Variants in ZBTB16 observed in about 807,000 individuals in gnomAD.
ZBTB16 encodes zinc finger and BTB domain containing 16.
Under a neutral mutation model 56.8 loss-of-function variants are expected in ZBTB16, and 8 were observed. The observed-to-expected ratio is 0.14, with a 90% CI of 0.08 to 0.25. The LOEUF is 0.25. Ranked by LOEUF, ZBTB16 falls within the 10% of genes least tolerant of loss-of-function variation. ZBTB16 has a pLI of 1.00. For synonymous variants in ZBTB16, 363 were observed against 368.5 expected, an observed-to-expected ratio of 0.98 and a Z score of 0.17; for missense variants, 625 against 903.0, an observed-to-expected ratio of 0.69 and a Z score of 3.95.
At chr11:114,131,589 C>T (rs541039815) in intron 2 of ZBTB16, among the ~76,000 whole-genome samples, 1 of 152,240 alleles carries the variant, frequency 6.6e-6, no homozygotes, top group South Asian at 2.1e-4. Flanking sequence ...TTATTTAGGG[C>T]CATTAAAAAC....
At chr11:114,186,158 G>A (rs967619163) in intron 3 of ZBTB16, among the ~76,000 whole-genome samples, 1 of 152,132 alleles carries the variant, frequency 6.6e-6, no homozygotes, top group African/African-American at 2.4e-5. Context: ...CCCGGGTATT[G>A]AAGTTGATGT....
chr11:114,125,911 C>T (rs1050812693), intron 2 of ZBTB16, among the ~76,000 whole-genome samples: 5 of 152,224 alleles, frequency 3.3e-5, no homozygotes, highest in African/African-American at 1.2e-4. Context: ...GCAAAGCAGC[C>T]TTCTCCTGAA....
chr11:114,182,539 C>T (rs1215648368), intron 3 of ZBTB16, among the ~76,000 whole-genome samples: 2 of 152,062 alleles, frequency 1.3e-5, no homozygotes, highest in African/African-American at 4.8e-5. Flanking sequence ...AAAACCAGCC[C>T]CCGTGTGTAG....
chr11:114,123,515 A>G (rs1591689305), intron 2 of ZBTB16, among the ~76,000 whole-genome samples: 1 of 152,086 alleles, frequency 6.6e-6, no homozygotes, highest in Non-Finnish European at 1.5e-5. Context: ...ATATACATAT[A>G]TGTATGTATG....
chr11:114,148,469 C>CTCTTTCTT lies in ZBTB16; in HGVS notation c.1269-7847_1269-7840dup, dbSNP rs1555144000. ...TCTCTGTCTGTCTGTCTCTCTCTCT[C>CTCTTTCTT]TCTTTCTTTCTTTCTTTCTTTCTTT... On this transcript the variant is annotated intron_variant, in intron 2 of 6. Transcript: ENST00000335953. Among the ~76,000 whole-genome samples the CTCTTTCTT allele has an allele frequency of 3.3e-3, 201 of 60,964 alleles. 13 individuals are homozygous for CTCTTTCTT. The highest frequency in any genetic ancestry group is 9.8e-3 in the African/African-American group (181 of 18,404). The allele number at this position is 60,964 out of a possible 152,430, so 40.0% of individuals were successfully genotyped here.
At chr11:114,181,901 G>A (rs1943258519) in intron 3 of ZBTB16, among the ~76,000 whole-genome samples, 1 of 152,114 alleles carries the variant, frequency 6.6e-6, no homozygotes, top group Non-Finnish European at 1.5e-5. Context: ...TGGCCTCCTT[G>A]CTCCTCTTGC....
intron 2 of ZBTB16, among the ~76,000 whole-genome samples, chr11:114,139,030 C>A (rs758289036): frequency 6.6e-6 from 1 of 152,116 alleles, no homozygotes; most frequent in Admixed American, 6.5e-5. Context: ...TCATTTCCTG[C>A]GTCTCACCTG....
intron 4 of ZBTB16, among the ~76,000 whole-genome samples, chr11:114,195,245 C>T (rs562330842): frequency 3.0e-4 from 45 of 152,152 alleles, no homozygotes; most frequent in Non-Finnish European, 4.3e-4. Flanking sequence ...AGCATGCCCT[C>T]GGGAGAAAAT....
At chr11:114,176,665 C>T (rs992005026) in intron 3 of ZBTB16, among the ~76,000 whole-genome samples, 26 of 152,314 alleles carry the variant, frequency 1.7e-4, no homozygotes, top group East Asian at 1.4e-3. Flanking sequence ...TTGCCATGAG[C>T]GCCCAGCTTC....
At chr11:114,095,245 CTTTTT>C (rs745895999) in intron 2 of ZBTB16, among the ~76,000 whole-genome samples, 4 of 90,450 alleles carry the variant, frequency 4.4e-5, no homozygotes, top group South Asian at 3.4e-4. Flanking sequence ...CTTTTCTTTT[CTTTTT>C]TTTTTTTTTT....
chr11:114,186,955 G>T lies in ZBTB16; in HGVS notation c.1370G>T (p.Gly457Val). 1 of 1,613,980 alleles carries T rather than the reference G, an allele frequency of 6.2e-7. No individual in the cohort carries two copies. The highest frequency in any genetic ancestry group is 1.3e-5 in the African/African-American group (1 of 75,018). The change falls in exon 4 of 7, where the codon GGT becomes GTT. Residue 457 changes from glycine to valine, a missense_variant. By Grantham distance (109) the Gly-to-Val change is moderately radical. Around this residue, in one of 6 missense-constraint regions of ZBTB16, gnomAD observed 140 missense variants for 214.8 expected, o/e 0.65. Coordinates refer to ENST00000335953, the MANE Select transcript of ZBTB16 (RefSeq NM_006006.6). ...LRMHLLAHSA[G>V]AKAFVCDQCG... is the part of the protein sequence containing the mutation. ...AACTGCCTCTCCTTTCTTTCAGCGGGTGCCAAAGCCTTTGTCTGTGATCAG... is the reference window on the plus strand; with the variant it reads ...AACTGCCTCTCCTTTCTTTCAGCGGTTGCCAAAGCCTTTGTCTGTGATCAG...
intron 4 of ZBTB16, among the ~76,000 whole-genome samples, chr11:114,236,033 C>T (rs973972986): frequency 2.0e-5 from 3 of 152,078 alleles, no homozygotes; most frequent in Non-Finnish European, 2.9e-5. Context: ...CCTTTTCCTA[C>T]TTCAGATTCC....
intron 4 of ZBTB16, among the ~76,000 whole-genome samples, chr11:114,200,079 G>T (rs943303902): frequency 1.4e-5 from 2 of 147,656 alleles, no homozygotes; most frequent in Non-Finnish European, 3.0e-5. Flanking sequence ...AGTGAGAAGA[G>T]ATCACGCCAC....
chr11:114,209,247 G>A (rs1051020676), intron 4 of ZBTB16: 6 of 369,400 alleles, frequency 1.6e-5, no homozygotes, highest in African/African-American at 1.3e-4. Flanking sequence ...GCTTTGGGGT[G>A]CACTTATTTT....
intron 2 of ZBTB16, among the ~76,000 whole-genome samples, chr11:114,098,348 T>A (rs1323293825): frequency 6.6e-6 from 1 of 152,158 alleles, no homozygotes; most frequent in Non-Finnish European, 1.5e-5. Flanking sequence ...GTACCAGGCG[T>A]GTGGGCGCAC....
chr11:114,217,897 C>T (rs374331100), intron 4 of ZBTB16, among the ~76,000 whole-genome samples: 10 of 152,108 alleles, frequency 6.6e-5, no homozygotes, highest in South Asian at 2.1e-4. Flanking sequence ...TTCTCAGAGG[C>T]GGATTCTCAA....
At chr11:114,172,656 C>T (rs566687821) in intron 3 of ZBTB16, among the ~76,000 whole-genome samples, 2 of 152,334 alleles carry the variant, frequency 1.3e-5, no homozygotes, top group Admixed American at 1.3e-4. Flanking sequence ...CAGATGCTCA[C>T]CCTGAAGCTT....
intron 2 of ZBTB16, among the ~76,000 whole-genome samples, chr11:114,080,200 C>G (rs1220093989): frequency 6.6e-6 from 1 of 150,570 alleles, no homozygotes; most frequent in African/African-American, 2.5e-5. Context: ...GTGTTCAAAT[C>G]TTAGCCTGGT....
chr11:114,202,087 A>G (rs1362928130), intron 4 of ZBTB16, among the ~76,000 whole-genome samples: 4 of 152,230 alleles, frequency 2.6e-5, no homozygotes, highest in African/African-American at 7.2e-5. Context: ...AGAATGCAGC[A>G]CAGGGGAATG....
Sources: gnomAD v4.1 joint callset for allele counts (sites outside exome capture counted in the v4.1 genomes callset) on GRCh38, gnomAD v4.1.1 for gene constraint, gnomAD v4.1.1 regional missense constraint, MANE v1.5 for transcripts, NCBI Gene and HGNC (gene_info 2026-07-23, HGNC 2026-07-21) for gene names.